IMMP2L: variants seen among roughly 807,000 people sequenced by gnomAD.
IMMP2L encodes the protein inner mitochondrial membrane peptidase subunit 2, also known as mitochondrial inner membrane protease subunit 2.
Under a neutral mutation model 19.3 loss-of-function variants are expected in IMMP2L, and 18 were observed. The observed-to-expected ratio is 0.93, with a 90% confidence interval of 0.64 to 1.38. The LOEUF (loss-of-function observed/expected upper bound fraction) is 1.38. IMMP2L is among the 40% of genes most tolerant of loss of function. The pLI, the probability that IMMP2L is intolerant of heterozygous loss-of-function variation, is 0.00. For synonymous variants in IMMP2L, 76 were observed against 73.0 expected, an observed-to-expected ratio of 1.04 and a Z score of -0.21; for missense variants, 233 against 218.2, an observed-to-expected ratio of 1.07 and a Z score of -0.43.
chr7:110,984,168 C>G (rs1472183990), intron 3 of IMMP2L, among the ~76,000 whole-genome samples: 1 of 151,842 alleles, frequency 6.6e-6, no homozygotes. Flanking sequence ...GTCCCATATA[C>G]TCTGACACAA....
chr7:111,413,780 C>A (rs867263035), intron 3 of IMMP2L, among the ~76,000 whole-genome samples: 1 of 151,784 alleles, frequency 6.6e-6, no homozygotes, highest in African/African-American at 2.4e-5. Context: ...GAGCTAGACC[C>A]TGTATCTTTT....
intron 3 of IMMP2L, among the ~76,000 whole-genome samples, chr7:111,260,890 AATG>A (rs991186381): frequency 1.3e-5 from 2 of 152,118 alleles, no homozygotes; most frequent in Non-Finnish European, 2.9e-5. Context: ...TCAGTAGATA[AATG>A]ATAATTTTAA....
chr7:110,844,694 T>TAGAGTATAATAAAAAAAAAAAAAAAGAAA (rs1805495795), intron 5 of IMMP2L, among the ~76,000 whole-genome samples: 1 of 94,204 alleles, frequency 1.1e-5, no homozygotes, highest in Non-Finnish European at 2.0e-5. Context: ...GGAAGACAGT[T>TAGAGTATAATAAAAAAAAAAAAAAAGAAA]AAGAAACTTC....
intron 3 of IMMP2L, among the ~76,000 whole-genome samples, chr7:111,113,743 A>G (rs1300948201): frequency 6.6e-6 from 1 of 152,162 alleles, no homozygotes; most frequent in Non-Finnish European, 1.5e-5. Context: ...TTGTACTGCA[A>G]GGCACAATGT....
chr7:110,766,828 G>T (rs1225703727), intron 5 of IMMP2L, among the ~76,000 whole-genome samples: 1 of 152,022 alleles, frequency 6.6e-6, no homozygotes, highest in African/African-American at 2.4e-5. Context: ...ACTGATTAGA[G>T]ATTCTGATGA....
At chr7:110,929,758 T>A (rs1373256548) in intron 4 of IMMP2L, among the ~76,000 whole-genome samples, 1 of 152,192 alleles carries the variant, frequency 6.6e-6, no homozygotes, top group Non-Finnish European at 1.5e-5. Context: ...TCAAAATGAT[T>A]AAATAACAAA....
chr7:110,914,802 T>A (rs1200420459), intron 4 of IMMP2L, among the ~76,000 whole-genome samples: 2 of 152,124 alleles, frequency 1.3e-5, no homozygotes, highest in East Asian at 3.9e-4. Context: ...TTTTTTATAA[T>A]ACATATATTC....
chr7:110,998,711 A>G (rs1461898377), intron 3 of IMMP2L, among the ~76,000 whole-genome samples: 1 of 152,168 alleles, frequency 6.6e-6, no homozygotes, highest in Non-Finnish European at 1.5e-5. Flanking sequence ...GGGCCAATTC[A>G]AGGAAGGAAT....
chr7:111,278,715 C>T (rs948589432), intron 3 of IMMP2L, among the ~76,000 whole-genome samples: 1 of 152,108 alleles, frequency 6.6e-6, no homozygotes, highest in Non-Finnish European at 1.5e-5. Context: ...TTGTTAATAA[C>T]ATGTTTTATA....
chr7:111,112,476 C>G (rs1007978143), intron 3 of IMMP2L, among the ~76,000 whole-genome samples: 5 of 151,836 alleles, frequency 3.3e-5, no homozygotes, highest in South Asian at 2.1e-4. Context: ...TTTCCACTCA[C>G]AAAAAGATGC....
At chr7:110,682,866 C>T (rs1792827332) in intron 5 of IMMP2L, among the ~76,000 whole-genome samples, 1 of 152,022 alleles carries the variant, frequency 6.6e-6, no homozygotes, top group Non-Finnish European at 1.5e-5. Flanking sequence ...GGGCAGATAC[C>T]TGGGGGAACA....
At chr7:111,333,978 A>G (rs552871192) in intron 3 of IMMP2L, among the ~76,000 whole-genome samples, 1 of 152,074 alleles carries the variant, frequency 6.6e-6, no homozygotes, top group Non-Finnish European at 1.5e-5. Flanking sequence ...TTCAACCTGT[A>G]TATCTTCTTC....
intron 3 of IMMP2L, among the ~76,000 whole-genome samples, chr7:111,456,786 C>A (rs1839713334): frequency 7.3e-6 from 1 of 136,844 alleles, no homozygotes; most frequent in Admixed American, 7.6e-5. Context: ...GAAGTAAGTA[C>A]CGCAACAATG....
intron 5 of IMMP2L, among the ~76,000 whole-genome samples, chr7:110,740,274 T>C (rs9641445): frequency 0.54 from 81,470 of 151,824 alleles, 23,323 homozygotes; most frequent in East Asian, 0.81. Context: ...AAAAGATAAA[T>C]GAAACAAAAA....
intron 3 of IMMP2L, among the ~76,000 whole-genome samples, chr7:111,318,278 G>A (rs1467188190): frequency 6.6e-6 from 1 of 152,084 alleles, no homozygotes; most frequent in African/African-American, 2.4e-5. Context: ...CCAGATGCCT[G>A]GTTAATACAG....
intron 3 of IMMP2L, among the ~76,000 whole-genome samples, chr7:111,062,295 T>C (rs1436012578): frequency 6.6e-6 from 1 of 152,172 alleles, no homozygotes; most frequent in East Asian, 1.9e-4. Context: ...CTCCCATTTT[T>C]AAAACCATCA....
rs149764204 is a variant in IMMP2L, at chr7:110,889,758, TA to T, written c.306-3064del. 4.0e-4 allele frequency among the ~76,000 whole-genome samples: 61 copies of T among 152,290 alleles called. 2 individuals carry two copies. The East Asian group carries it at 0.012, about 29-fold the overall frequency. On this transcript the variant is annotated intron_variant, in intron 4 of 5. Transcript: ENST00000405709. ...CCTATCTTGGCTTTTGTATCTTACT[TA>T]ACATTTTCAAGCTTACATGATCTGC...
At chr7:110,777,336 A>G (rs556144409) in intron 5 of IMMP2L, among the ~76,000 whole-genome samples, 9 of 152,094 alleles carry the variant, frequency 5.9e-5, no homozygotes, top group Non-Finnish European at 1.3e-4. Flanking sequence ...CCCACGAGCC[A>G]TGTTTCCATG....
chr7:110,964,868 G>A (rs953734273), intron 3 of IMMP2L, among the ~76,000 whole-genome samples: 1 of 151,918 alleles, frequency 6.6e-6, no homozygotes, highest in African/African-American at 2.4e-5. Flanking sequence ...AGAGACTCGT[G>A]GTGAAGAAGG....
Sources: gnomAD v4.1 joint callset for allele counts (sites outside exome capture counted in the v4.1 genomes callset) on GRCh38, gnomAD v4.1.1 for gene constraint, MANE v1.5 for transcripts, NCBI Gene and HGNC (gene_info 2026-07-23, HGNC 2026-07-21) for gene names.